FAM120B: variants seen among roughly 807,000 people sequenced by gnomAD.
FAM120B encodes constitutive coactivator of peroxisome proliferator-activated receptor gamma.
In FAM120B, 83 loss-of-function variants were observed where a neutral mutation model predicts 96.3. That is an observed-to-expected ratio of 0.86 (90% CI 0.72 to 1.03). The LOEUF is 1.03. Ranked by LOEUF, FAM120B falls within the 50% of genes least tolerant of loss-of-function variation. FAM120B has a pLI of 0.00. For synonymous variants in FAM120B, 407 were observed against 402.7 expected (o/e 1.01, Z -0.13); for missense variants, 1,027 against 1,121.2 (o/e 0.92, Z 1.20).
chr6:170,324,931 C>G (rs1238846730), intron 3 of FAM120B, among the ~76,000 whole-genome samples: 3 of 152,178 alleles, frequency 2.0e-5, no homozygotes, highest in Non-Finnish European at 2.9e-5. Context: ...GTAGAGTGTT[C>G]TGTAAATGTC....
chr6:170,327,002 C>T (rs1240275913), intron 3 of FAM120B, among the ~76,000 whole-genome samples: 2 of 152,026 alleles, frequency 1.3e-5, no homozygotes, highest in Non-Finnish European at 2.9e-5. Context: ...CGTCAGCCTC[C>T]CAAAGTGTTG....
chr6:170,300,894 A>AC (rs201107292), intron 1 of FAM120B, among the ~76,000 whole-genome samples: 2,305 of 151,284 alleles, frequency 0.015, 46 homozygotes, highest in African/African-American at 0.051. Context: ...TGCAGGGTAA[A>AC]CCCCCCCCTC....
rs1554287927 is a variant in FAM120B at position 170,368,819 on chromosome 6, C to CT, written c.2283+10502dup. 3.8e-4 allele frequency among the ~76,000 whole-genome samples: 10 copies of CT among 26,194 alleles called. No homozygotes were observed. In the South Asian group the frequency reaches 6.7e-3, roughly 18 times the overall value. The allele number at this position is 26,194 out of a possible 152,430, so 17.2% of individuals were successfully genotyped here. On this transcript the variant is annotated intron_variant, in intron 6 of 10. Transcript: ENST00000476287. ...CCAGCAGCTCTGCTGTCTGCCGGGGCTGGGGGGGGGGCTCCCTCCTGGCTT... is the reference window on the plus strand; with the variant it reads ...CCAGCAGCTCTGCTGTCTGCCGGGGCTTGGGGGGGGGGCTCCCTCCTGGCTT...
chr6:170,347,623 T>G (rs1043555304), intron 4 of FAM120B, among the ~76,000 whole-genome samples: 2 of 152,244 alleles, frequency 1.3e-5, no homozygotes, highest in Admixed American at 6.5e-5. Flanking sequence ...GTTGTTAAAA[T>G]GCAGACTTCC....
intron 6 of FAM120B, among the ~76,000 whole-genome samples, chr6:170,362,684 CTTT>C (rs759098041): frequency 8.6e-5 from 12 of 139,750 alleles, no homozygotes; most frequent in Admixed American, 1.4e-4. Context: ...TTTCTTTTTT[CTTT>C]TTTTTTTTTT....
intron 6 of FAM120B, among the ~76,000 whole-genome samples, chr6:170,382,048 A>G (rs1789934271): frequency 2.6e-5 from 4 of 152,224 alleles, no homozygotes; most frequent in Admixed American, 2.6e-4. Context: ...GCATGCAGAC[A>G]AAAAGAAGGA....
At chr6:170,327,457 AAGC>A (rs1171004484) in intron 3 of FAM120B, among the ~76,000 whole-genome samples, 1 of 152,246 alleles carries the variant, frequency 6.6e-6, no homozygotes, top group Non-Finnish European at 1.5e-5. Flanking sequence ...GACTGTAAAA[AAGC>A]AGGCAGATTT....
rs6929430 is a variant in FAM120B at position 170,375,831 on chromosome 6, C to G, written c.2284-12456C>G. Among the ~76,000 whole-genome samples the G allele has an allele frequency of 2.2e-3, 329 of 152,120 alleles. 1 individual carries two copies. Among genetic ancestry groups the G allele is most frequent in the Middle Eastern group, 0.017 (5 of 294 alleles). Reference sequence around the variant, plus strand: ...GGGCATAGAAGATGTCTCAGAGACTCCAAGGAGGAAGTGACTTCTGGACTA... The same window carrying G: ...GGGCATAGAAGATGTCTCAGAGACTGCAAGGAGGAAGTGACTTCTGGACTA... On this transcript the variant is annotated intron_variant, in intron 6 of 10. Coordinates refer to ENST00000476287, the MANE Select transcript of FAM120B (RefSeq NM_032448.3).
upstream of FAM120B, among the ~76,000 whole-genome samples, chr6:170,302,787 A>G (rs1583167630): frequency 6.6e-6 from 1 of 152,368 alleles, no homozygotes; most frequent in African/African-American, 2.4e-5. Context: ...AGCAGAGCAC[A>G]GGGAAGTGCT....
At chr6:170,330,329 T>A in intron 3 of FAM120B, 120 bp from the exon 4 acceptor site, 1 of 659,520 alleles carries the variant, frequency 1.5e-6, no homozygotes. Flanking sequence ...GGTTACTCAG[T>A]CACCTTGGAT....
chr6:170,291,058 A>G, upstream of FAM120B: 1 of 697,588 alleles, frequency 1.4e-6, no homozygotes, highest in Non-Finnish European at 2.6e-6. Flanking sequence ...CCTCCTCTCA[A>G]TGGATCGCCA....
intron 1 of FAM120B, among the ~76,000 whole-genome samples, chr6:170,315,450 G>T (rs113794872): frequency 5.3e-5 from 8 of 152,146 alleles, no homozygotes; most frequent in African/African-American, 1.9e-4. Context: ...AACCTTCCTG[G>T]ACATAGGTTC....
In FAM120B at chr6:170,394,693, A is replaced by G. The variant is rs4710804; in HGVS notation, c.2600-794A>G. Among the ~76,000 whole-genome samples the G allele has an allele frequency of 0.027, 3,743 of 138,512 alleles. 1,325 individuals carry two copies. The East Asian group carries it at 0.54, about 20-fold the overall frequency. The allele number at this position is 138,512 out of a possible 152,430, so 90.9% of individuals were successfully genotyped here. On this transcript the variant is annotated intron_variant, in intron 8 of 10. Transcript: ENST00000476287. ...CGTGGACACCGCAGCATGTCAGCAC[A>G]AGGCCATGCCTCCGTGGACACCGCA...
chr6:170,343,706 C>T (rs1040005101), intron 4 of FAM120B, among the ~76,000 whole-genome samples: 5 of 151,976 alleles, frequency 3.3e-5, no homozygotes, highest in Admixed American at 6.6e-5. Flanking sequence ...TGGGCCCTAC[C>T]CCTAGAATTT....
In FAM120B at chr6:170,356,260, C is replaced by G. The variant is rs919541212; in HGVS notation, c.2191-1966C>G. On this transcript the variant is annotated intron_variant, in intron 5 of 10. Transcript: ENST00000476287. ...TGTAGTGCAAGTTGGCATGAGCAGA[C>G]TTGGTAACTTGTCTTTAAAGGAGAG... Among the ~76,000 whole-genome samples the G allele has an allele frequency of 7.9e-5, 12 of 152,152 alleles. 1 individual carries two copies. The highest frequency in any genetic ancestry group is 7.9e-4 in the Admixed American group (12 of 15,270).
intron 1 of FAM120B, chr6:170,298,397 C>A (rs1333660133): frequency 6.6e-6 from 1 of 152,216 alleles, no homozygotes; most frequent in Non-Finnish European, 1.5e-5. Context: ...TTGCTTTCAA[C>A]AGTTTCCTTC....
rs1435741660 is a variant in FAM120B, at chr6:170,318,577, A to C, written c.1187A>C (p.Glu396Ala). Residue 396 changes from glutamate (E) to alanine (A), a missense_variant, in exon 2 of 11, where the codon GAA (glutamate) becomes GCA (alanine). Physicochemically the swap from Glu to Ala is moderately radical, Grantham distance 107. Transcript: ENST00000476287. Reference protein sequence around the residue: ...RQEVPTCTGPESRREVPMCSD... With the variant: ...RQEVPTCTGPASRREVPMCSD... ...GAAGTTCCCACGTGTACAGGCCCTG[A>C]ATCCAGGCGAGAAGTTCCCATGTGT... 6.8e-7 allele frequency: 1 copy of C among 1,479,688 alleles called. No homozygotes were observed. 91.7% of individuals were successfully genotyped at this position (1,479,688 alleles called of 1,614,324 possible).
chr6:170,341,313 A>G (rs1466664326), intron 4 of FAM120B, among the ~76,000 whole-genome samples: 1 of 152,092 alleles, frequency 6.6e-6, no homozygotes, highest in African/African-American at 2.4e-5. Flanking sequence ...AAAACCGCCT[A>G]CCAATCCTCA....
chr6:170,303,354 C>T (rs1169767569), upstream of FAM120B, among the ~76,000 whole-genome samples: 1 of 152,164 alleles, frequency 6.6e-6, no homozygotes, highest in Non-Finnish European at 1.5e-5. Flanking sequence ...ATCCTCCCAC[C>T]TCAGCCTCCT....
Sources: gnomAD v4.1 joint callset for allele counts (sites outside exome capture counted in the v4.1 genomes callset) on GRCh38, gnomAD v4.1.1 for gene constraint, MANE v1.5 for transcripts, NCBI Gene and HGNC (gene_info 2026-07-23, HGNC 2026-07-21) for gene names.